SLC25A21: variants seen among roughly 807,000 people sequenced by gnomAD.
SLC25A21 encodes mitochondrial 2-oxodicarboxylate carrier.
In SLC25A21, 47 loss-of-function variants were observed where a neutral mutation model predicts 43.8. That is an observed-to-expected ratio of 1.07 (90% CI 0.85 to 1.37). SLC25A21 has a LOEUF of 1.37. Among genes scored for constraint, SLC25A21 ranks in the 40% most tolerant of loss-of-function variants. The pLI is 0.00. For synonymous variants in SLC25A21, 131 were observed against 121.3 expected (o/e 1.08, Z -0.52); for missense variants, 352 against 350.2 (o/e 1.00, Z -0.04).
chr14:37,075,790 A>G (rs12879259), intron 1 of SLC25A21, among the ~76,000 whole-genome samples: 37,089 of 152,202 alleles, frequency 0.24, 4,916 homozygotes, highest in Non-Finnish European at 0.29. Context: ...TGAATGTAAT[A>G]ACAGACAGAT....
At chr14:36,854,934 G>GT (rs11389368) in intron 2 of SLC25A21, among the ~76,000 whole-genome samples, 2 of 56,742 alleles carry the variant, frequency 3.5e-5, no homozygotes, top group Non-Finnish European at 6.7e-5. Flanking sequence ...GGCATGAGGT[G>GT]GGGGGGGGTA....
intron 3 of SLC25A21, among the ~76,000 whole-genome samples, chr14:36,786,951 T>C (rs1887275227): frequency 6.6e-6 from 1 of 152,150 alleles, no homozygotes; most frequent in Non-Finnish European, 1.5e-5. Flanking sequence ...TATGAGCCTG[T>C]GGTAATAAAA....
intron 2 of SLC25A21, among the ~76,000 whole-genome samples, chr14:36,860,549 C>T (rs954693619): frequency 6.6e-6 from 1 of 152,128 alleles, no homozygotes; most frequent in African/African-American, 2.4e-5. Flanking sequence ...GTGTTAATTA[C>T]ACTCCCCCTG....
intron 1 of SLC25A21, among the ~76,000 whole-genome samples, chr14:37,137,604 T>A (rs1044774877): frequency 6.6e-6 from 1 of 152,200 alleles, no homozygotes; most frequent in Admixed American, 6.5e-5. Flanking sequence ...GCATCATTTG[T>A]GCCAGCTGCC....
intron 1 of SLC25A21, among the ~76,000 whole-genome samples, chr14:37,046,651 G>A (rs1961593161): frequency 6.6e-6 from 1 of 152,166 alleles, no homozygotes; most frequent in South Asian, 2.1e-4. Flanking sequence ...ACCTGTTGCA[G>A]ACATTCTCTG....
chr14:36,978,326 A>G (rs1959929597), intron 1 of SLC25A21, among the ~76,000 whole-genome samples: 1 of 152,226 alleles, frequency 6.6e-6, no homozygotes, highest in Non-Finnish European at 1.5e-5. Context: ...CAGTGCACAT[A>G]AAAGTTATGT....
At chr14:36,866,039 T>C (rs912672038) in intron 2 of SLC25A21, among the ~76,000 whole-genome samples, 1 of 152,174 alleles carries the variant, frequency 6.6e-6, no homozygotes, top group African/African-American at 2.4e-5. Flanking sequence ...ACTATATGTC[T>C]ATGAGCAGAT....
At chr14:37,137,494 ATT>A (rs1404747457) in intron 1 of SLC25A21, among the ~76,000 whole-genome samples, 3 of 152,204 alleles carry the variant, frequency 2.0e-5, no homozygotes, top group African/African-American at 7.2e-5. Flanking sequence ...ATACCAGCTG[ATT>A]TTCTTATAGA....
At chr14:36,958,584 T>C (rs1300713385) in intron 1 of SLC25A21, among the ~76,000 whole-genome samples, 3 of 152,134 alleles carry the variant, frequency 2.0e-5, no homozygotes, top group Non-Finnish European at 4.4e-5. Context: ...TCCCCAGGTG[T>C]TGAGGCCTTA....
At chr14:37,010,003 C>A (rs1005874145) in intron 1 of SLC25A21, among the ~76,000 whole-genome samples, 2 of 152,160 alleles carry the variant, frequency 1.3e-5, no homozygotes, top group African/African-American at 2.4e-5. Flanking sequence ...GTGGGAAGAA[C>A]GTTTAGAGTC....
intron 3 of SLC25A21, among the ~76,000 whole-genome samples, chr14:36,739,706 C>T (rs993107804): frequency 4.0e-5 from 6 of 150,760 alleles, no homozygotes; most frequent in African/African-American, 1.5e-4. Flanking sequence ...AAAAGAGGCA[C>T]ACCAGGATAA....
At chr14:37,116,632 A>G (rs1963112425) in intron 1 of SLC25A21, among the ~76,000 whole-genome samples, 1 of 152,184 alleles carries the variant, frequency 6.6e-6, no homozygotes, top group African/African-American at 2.4e-5. Context: ...AATTTATCGG[A>G]ACAATATGAA....
chr14:37,004,889 T>C (rs1216139437), intron 1 of SLC25A21, among the ~76,000 whole-genome samples: 2 of 151,854 alleles, frequency 1.3e-5, no homozygotes, highest in Middle Eastern at 3.2e-3. Context: ...TTTGCCCTCT[T>C]ACCAGAAGGA....
At chr14:36,915,786 C>T (rs185063477) in intron 1 of SLC25A21, among the ~76,000 whole-genome samples, 133 of 152,260 alleles carry the variant, frequency 8.7e-4, no homozygotes, top group African/African-American at 3.1e-3. Context: ...CCAAATTACA[C>T]GCTATATGAT....
intron 1 of SLC25A21, among the ~76,000 whole-genome samples, chr14:37,109,390 AG>A (rs1362013537): frequency 6.6e-6 from 1 of 152,116 alleles, no homozygotes; most frequent in Non-Finnish European, 1.5e-5. Flanking sequence ...AGAAAAAAGG[AG>A]GGAAGGAAGG....
At position 36,982,493 on chromosome 14, in the gene SLC25A21, C is replaced by A. The variant is rs909429805; in HGVS notation, c.71-107489G>T. On this transcript the variant is annotated intron_variant, in intron 1 of 9. Transcript: ENST00000331299. ...GCCATCTAAGCAGTAGAATTTTTAA[C>A]CATGAAAGGTTTTAGTATTTATTAG... 2.6e-5 allele frequency among the ~76,000 whole-genome samples: 4 copies of A among 152,030 alleles called. No homozygotes were observed. The South Asian group carries it at 6.2e-4, about 24-fold the overall frequency.
At chr14:37,139,669 C>T (rs950260497) in intron 1 of SLC25A21, among the ~76,000 whole-genome samples, 2 of 152,134 alleles carry the variant, frequency 1.3e-5, no homozygotes, top group Non-Finnish European at 2.9e-5. Context: ...TAGTTCTATC[C>T]ATTTAACTGA....
intron 1 of SLC25A21, among the ~76,000 whole-genome samples, chr14:37,090,575 A>C (rs1328435590): frequency 6.6e-6 from 1 of 152,224 alleles, no homozygotes; most frequent in Non-Finnish European, 1.5e-5. Context: ...TGAAGCCAAT[A>C]AATCTTGGCC....
intron 8 of SLC25A21, among the ~76,000 whole-genome samples, 187 bp downstream of exon 8, chr14:36,684,557 G>A (rs1329421072): frequency 6.6e-6 from 1 of 152,166 alleles, no homozygotes; most frequent in Non-Finnish European, 1.5e-5. Flanking sequence ...ACTTGATGGT[G>A]TAAGCACATG....
Sources: allele counts gnomAD v4.1 joint callset (sites outside exome capture counted in the v4.1 genomes callset), GRCh38; gene constraint gnomAD v4.1.1; transcripts MANE v1.5; gene names NCBI Gene and HGNC (gene_info 2026-07-23, HGNC 2026-07-21).